Variants in OTUD6B observed in about 807,000 individuals in gnomAD.
OTUD6B encodes OTU deubiquitinase 6B.
OTUD6B carries 41 observed loss-of-function variants against 36.9 expected under a neutral mutation model. The ratio of observed to expected loss-of-function variants is 1.11; its 90% CI spans 0.87 to 1.44. OTUD6B has a LOEUF of 1.44. OTUD6B is among the 40% of genes most tolerant of loss of function. The pLI is 0.00. For missense variants in OTUD6B, 356 were observed against 344.8 expected, an observed-to-expected ratio of 1.03 and a Z score of -0.26; for synonymous variants, 114 against 114.2, an observed-to-expected ratio of 1.00 and a Z score of 0.01.
At chr8:91,071,352 A>T in intron 2 of OTUD6B, 63 bp downstream of exon 2, 1 of 1,338,556 alleles carries the variant, frequency 7.5e-7, no homozygotes, top group Non-Finnish European at 1.0e-6. Context: ...ACTTCTGTTA[A>T]ATGTTAAACT....
chr8:91,071,406 A>G, intron 2 of OTUD6B, 117 bp downstream of exon 2: 1 of 837,542 alleles, frequency 1.2e-6, no homozygotes, highest in Non-Finnish European at 1.8e-6. Context: ...TTTGCAAAAC[A>G]CGCTCAATCT....
chr8:91,074,091 CT>C (rs1812757515), intron 3 of OTUD6B, among the ~76,000 whole-genome samples, 180 bp downstream of exon 3: 1 of 152,128 alleles, frequency 6.6e-6, no homozygotes, highest in South Asian at 2.1e-4. Context: ...TGCTAAGCTG[CT>C]TATATGACAT....
In OTUD6B at chr8:91,073,824, C is replaced by T; in HGVS notation, c.235-7C>T. 6.4e-7 allele frequency: 1 copy of T among 1,567,516 alleles called. No homozygotes were observed. Among genetic ancestry groups the T allele is most frequent in the Admixed American group, 1.9e-5 (1 of 53,448 alleles). ...ATTGACTTGTTAATGCTTTTTGTTT[C>T]CTTCAGATAGATTCTGTTGCTGTTA... On this transcript the variant is annotated splice_polypyrimidine_tract_variant and splice_region_variant and intron_variant, in intron 2 of 6. Transcript: ENST00000404789.
At chr8:91,082,745 C>CTTTTT (rs369648071) in intron 5 of OTUD6B, among the ~76,000 whole-genome samples, 2 of 111,870 alleles carry the variant, frequency 1.8e-5, no homozygotes, top group East Asian at 3.3e-4. Context: ...GGTCATATGT[C>CTTTTT]TTTTTTTTTT....
chr8:91,080,648 A>G lies in OTUD6B; in HGVS notation c.629-21A>G. ...AGTTACAAAAATTATTAAGTGCTGT[A>G]TTCTGACCTAATCTCTACAGAAGAA... On this transcript the variant is annotated intron_variant, in intron 4 of 6. Coordinates refer to ENST00000404789, the MANE Select transcript of OTUD6B (RefSeq NM_016023.5). 2.5e-6 allele frequency: 4 copies of G among 1,584,514 alleles called. No homozygotes were observed. In the South Asian group the frequency reaches 4.6e-5, roughly 18 times the overall value.
chr8:91,083,824 A>G (rs1812954087), intron 5 of OTUD6B, 184 bp from the exon 6 acceptor site: 1 of 269,164 alleles, frequency 3.7e-6, no homozygotes, highest in Non-Finnish European at 5.7e-6. Flanking sequence ...AGGATAAGGG[A>G]TATTCAACCT....
At chr8:91,084,234 G>A (rs187756065) in intron 6 of OTUD6B, 120 bp downstream of exon 6, 71 of 626,444 alleles carry the variant, frequency 1.1e-4, no homozygotes, top group African/African-American at 7.7e-4. Flanking sequence ...AACCTCTAGC[G>A]ATTTATTTTT....
intron 5 of OTUD6B, among the ~76,000 whole-genome samples, chr8:91,082,399 C>T (rs1309986572): frequency 1.3e-5 from 2 of 152,002 alleles, no homozygotes; most frequent in Non-Finnish European, 2.9e-5. Flanking sequence ...CTTTTTGAGA[C>T]AGAGTCTCAC....
At chr8:91,084,584 T>G (rs1438541757) in intron 6 of OTUD6B, 200 bp from the exon 7 acceptor site, 2 of 237,432 alleles carry the variant, frequency 8.4e-6, no homozygotes, top group Non-Finnish European at 1.4e-5. Context: ...CCCCAGTGAT[T>G]GAACCAGATC....
chr8:91,070,846 C>G (rs1812679969), intron 1 of OTUD6B, among the ~76,000 whole-genome samples: 1 of 152,034 alleles, frequency 6.6e-6, no homozygotes, highest in Non-Finnish European at 1.5e-5. Context: ...TTAGGAGGTT[C>G]AGAAAGGATA....
At position 91,073,946 on chromosome 8, in the gene OTUD6B, T is replaced by G. The variant is rs373822527; in HGVS notation, c.315+35T>G. 15 of 1,411,126 alleles carry G rather than the reference T, an allele frequency of 1.1e-5. No homozygotes were observed. In the African/African-American group the frequency reaches 2.0e-4, roughly 19 times the overall value. The allele number at this position is 1,411,126 out of a possible 1,614,324, so 87.4% of individuals were successfully genotyped here. ...TCATGTCACCAAGTATATAAGTTAG[T>G]GCTGTGTGTTCAATACTATCTTAGG... On this transcript the variant is annotated intron_variant, in intron 3 of 6. Coordinates refer to ENST00000404789, the MANE Select transcript of OTUD6B (RefSeq NM_016023.5).
At position 91,086,985 on chromosome 8, in the gene OTUD6B, A is replaced by G. The variant is rs1361109779; in HGVS notation, c.*2117A>G. ...TTTTATTCACTTAAATTTGTTTACA[A>G]CTTGTATAAAGCAAAAAAGAATGTG... On this transcript the variant is annotated 3_prime_UTR_variant, in exon 7 of 7. Transcript: ENST00000404789. 6.6e-6 allele frequency: 1 copy of G among 152,092 alleles called. No individual in the cohort carries two copies. Among genetic ancestry groups the G allele is most frequent in the Non-Finnish European group, 1.5e-5 (1 of 67,930 alleles). The allele number at this position is 152,092 out of a possible 1,614,324, so 9.4% of individuals were successfully genotyped here.
At chr8:91,072,415 G>A in intron 2 of OTUD6B, among the ~76,000 whole-genome samples, 1 of 152,088 alleles carries the variant, frequency 6.6e-6, no homozygotes, top group East Asian at 1.9e-4. Flanking sequence ...ATGGGTTTTG[G>A]ATATGAAGGG....
At position 91,078,577 on chromosome 8, in the gene OTUD6B, G is replaced by A. The variant is rs1388714724; in HGVS notation, c.537G>A (p.Leu179=). The change falls in exon 4 of 7, where the codon TTG becomes TTA. Residue 179 remains leucine (L), a synonymous_variant. Coordinates refer to ENST00000404789, the MANE Select transcript of OTUD6B (RefSeq NM_016023.5). ...ATTGTGCTCTGACTGTGGTTGCCTT[G>A]AGAAGTCAGACCGCTGAGTATATGC... The part of the protein sequence containing the change: ...EKDCALTVVA[L]RSQTAEYMQS... 24 of 1,606,052 alleles carry A rather than the reference G, an allele frequency of 1.5e-5. No individual in the cohort carries two copies. Among genetic ancestry groups the A allele is most frequent in the Non-Finnish European group, 1.7e-5 (20 of 1,175,852 alleles).
chr8:91,071,842 A>G (rs970380360), intron 2 of OTUD6B, among the ~76,000 whole-genome samples: 2 of 152,194 alleles, frequency 1.3e-5, no homozygotes, highest in African/African-American at 4.8e-5. Flanking sequence ...AGCTTCACCA[A>G]ATCAAAGTTG....
In OTUD6B at chr8:91,085,943, A is replaced by G. The variant is rs1313907756; in HGVS notation, c.*1075A>G. ...ACCTTTCCTTCAACTCAAATATTTG[A>G]GAAATTTTATGTTACATATATGAAT... On this transcript the variant is annotated 3_prime_UTR_variant, in exon 7 of 7. Coordinates refer to ENST00000404789, the MANE Select transcript of OTUD6B (RefSeq NM_016023.5). 1 of 152,090 alleles carries G rather than the reference A, an allele frequency of 6.6e-6. No individual in the cohort carries two copies. Among genetic ancestry groups the G allele is most frequent in the Non-Finnish European group, 1.5e-5 (1 of 67,992 alleles). The allele number at this position is 152,090 out of a possible 1,614,324, so 9.4% of individuals were successfully genotyped here. A position where few individuals can be genotyped will look rare whatever the true frequency, so the allele number is the denominator to read the frequency against.
intron 5 of OTUD6B, among the ~76,000 whole-genome samples, chr8:91,083,050 C>T (rs183103652): frequency 4.3e-4 from 65 of 151,884 alleles, no homozygotes; most frequent in Middle Eastern, 3.4e-3. Context: ...CATTAATGTT[C>T]AATATTCACC....
At chr8:91,077,701 T>A (rs909689882) in intron 3 of OTUD6B, among the ~76,000 whole-genome samples, 1 of 152,042 alleles carries the variant, frequency 6.6e-6, no homozygotes, top group Non-Finnish European at 1.5e-5. Flanking sequence ...ATTAAGAATT[T>A]ATACATATTT....
chr8:91,070,388 G>A lies in OTUD6B; in HGVS notation c.4G>A (p.Glu2Lys), dbSNP rs1365395373. Residue 2 changes from glutamate (E) to lysine (K), a missense_variant, in exon 1 of 7, where the codon GAG becomes AAG. Glu to Lys is a moderately conservative substitution (Grantham distance 56). Coordinates refer to ENST00000404789, the MANE Select transcript of OTUD6B (RefSeq NM_016023.5). ...TGTGCTGGGGTACCTGGTCGTCATG[G>A]AGGCGGTATTGACCGAAGAGCTTGA... M[E>K]AVLTEELDEE... 6.2e-6 allele frequency: 10 copies of A among 1,609,412 alleles called. No homozygotes were observed. Among genetic ancestry groups the A allele is most frequent in the Non-Finnish European group, 8.5e-6 (10 of 1,177,942 alleles).
Sources: allele counts gnomAD v4.1 joint callset (sites outside exome capture counted in the v4.1 genomes callset), GRCh38; gene constraint gnomAD v4.1.1; transcripts MANE v1.5; gene names NCBI Gene and HGNC (gene_info 2026-07-23, HGNC 2026-07-21).